CNTNAP4: variants seen among roughly 807,000 people sequenced by gnomAD.
The protein encoded by CNTNAP4 is contactin-associated protein-like 4.
Under a neutral mutation model 148.4 loss-of-function variants are expected in CNTNAP4, and 98 were observed. The observed-to-expected ratio is 0.66, with a 90% CI of 0.56 to 0.78. The LOEUF (loss-of-function observed/expected upper bound fraction) is 0.78. Among genes scored for constraint, CNTNAP4 ranks in the 30% least tolerant of loss-of-function variants. The probability of loss-of-function intolerance (pLI) is 0.00; values close to 1 mark genes in which losing one functional copy is unlikely to be tolerated. For synonymous variants in CNTNAP4, 730 were observed against 565.1 expected, an observed-to-expected ratio of 1.29 and a Z score of -4.14; for missense variants, 1,935 against 1,565.6, an observed-to-expected ratio of 1.24 and a Z score of -3.98.
At chr16:76,500,050 C>G (rs901078170) in intron 15 of CNTNAP4, among the ~76,000 whole-genome samples, 2 of 152,188 alleles carry the variant, frequency 1.3e-5, no homozygotes, top group African/African-American at 4.8e-5. Flanking sequence ...GTCATCATGG[C>G]CCGTTCTCAA....
At chr16:76,337,194 G>A (rs931974603) in intron 2 of CNTNAP4, among the ~76,000 whole-genome samples, 4 of 152,146 alleles carry the variant, frequency 2.6e-5, no homozygotes, top group Non-Finnish European at 4.4e-5. Flanking sequence ...CACACTAAGC[G>A]GTTTTTGGAT....
At chr16:76,544,392 C>A (rs2084611918) in intron 21 of CNTNAP4, among the ~76,000 whole-genome samples, 2 of 151,980 alleles carry the variant, frequency 1.3e-5, no homozygotes, top group South Asian at 4.1e-4. Context: ...GAATTGCTGA[C>A]CCTGTTAAAA....
intron 2 of CNTNAP4, among the ~76,000 whole-genome samples, chr16:76,349,281 C>T (rs898946073): frequency 1.3e-5 from 2 of 152,228 alleles, no homozygotes; most frequent in South Asian, 4.1e-4. Context: ...AATGTCCTCA[C>T]AAAATCCTGA....
Position 76,448,080 on chromosome 16 carries a change from C to G in CNTNAP4, c.607C>G (p.Pro203Ala), listed in dbSNP as rs971645524. Residue 203 changes from proline (P) to alanine (A), a missense_variant, in exon 5 of 24, where the codon CCA becomes GCA. Pro to Ala is a conservative substitution (Grantham distance 27, BLOSUM62 -1). Coordinates refer to ENST00000611870, the MANE Select transcript of CNTNAP4 (RefSeq NM_033401.5). Reference sequence around the variant, plus strand: ...CAGATTTGATCAAAAATCCCTGAGCCCAATAAAAGACATTATTTCTTTGAA... The same window carrying G: ...CAGATTTGATCAAAAATCCCTGAGCGCAATAAAAGACATTATTTCTTTGAA... The part of the protein sequence containing the change: ...LYRFDQKSLS[P>A]IKDIISLKFK... 1.2e-6 allele frequency: 2 copies of G among 1,613,550 alleles called. No homozygotes were observed. The highest frequency in any genetic ancestry group is 3.3e-5 in the Admixed American group (2 of 60,012).
chr16:76,350,799 G>T (rs949839389), intron 2 of CNTNAP4, among the ~76,000 whole-genome samples: 1 of 152,142 alleles, frequency 6.6e-6, no homozygotes, highest in Non-Finnish European at 1.5e-5. Context: ...TGAATGGGGA[G>T]AACTTTTATT....
chr16:76,337,965 G>C (rs1165181437), intron 2 of CNTNAP4, among the ~76,000 whole-genome samples: 2 of 152,100 alleles, frequency 1.3e-5, no homozygotes, highest in Non-Finnish European at 2.9e-5. Flanking sequence ...TTCTTTTTCA[G>C]GGTGCCCTGA....
intron 3 of CNTNAP4, among the ~76,000 whole-genome samples, chr16:76,359,076 C>T (rs540560199): frequency 6.6e-6 from 1 of 152,174 alleles, no homozygotes; most frequent in Admixed American, 6.5e-5. Flanking sequence ...AGAACACAGA[C>T]CACTTCAATT....
At chr16:76,398,403 G>C (rs2078286237) in intron 3 of CNTNAP4, among the ~76,000 whole-genome samples, 1 of 152,048 alleles carries the variant, frequency 6.6e-6, no homozygotes, top group Non-Finnish European at 1.5e-5. Context: ...CCAAAGGCTT[G>C]TTAAGTGTTG....
intron 17 of CNTNAP4, among the ~76,000 whole-genome samples, chr16:76,528,485 G>A (rs1011449678): frequency 2.6e-5 from 4 of 152,100 alleles, no homozygotes; most frequent in Admixed American, 1.3e-4. Context: ...GGCTGGTCTT[G>A]AACTCCTGGG....
chr16:76,326,445 G>A (rs1962980770), intron 2 of CNTNAP4, among the ~76,000 whole-genome samples: 1 of 152,162 alleles, frequency 6.6e-6, no homozygotes, highest in South Asian at 2.1e-4. Flanking sequence ...CTAAGAGATG[G>A]GAAAAGCTAG....
Position 76,448,216 on chromosome 16 carries a change from G to A in CNTNAP4, c.742+1G>A. ...AGACTCTTTTTACTTATTAATTCAGGTAAAACTATTCGGTGAAGTGCTCAA... is the reference window on the plus strand; with the variant it reads ...AGACTCTTTTTACTTATTAATTCAGATAAAACTATTCGGTGAAGTGCTCAA... On this transcript the variant is annotated splice_donor_variant, in intron 5 of 23. Coordinates refer to ENST00000611870, the MANE Select transcript of CNTNAP4 (RefSeq NM_033401.5). LOFTEE classifies it high-confidence loss of function. The A allele has an allele frequency of 1.2e-6, 2 of 1,601,048 alleles. No individual in the cohort carries two copies. The highest frequency in any genetic ancestry group is 1.7e-6 in the Non-Finnish European group (2 of 1,170,430).
intron 3 of CNTNAP4, among the ~76,000 whole-genome samples, chr16:76,415,933 T>C (rs1036740732): frequency 1.3e-4 from 2 of 15,926 alleles, no homozygotes; most frequent in African/African-American, 1.7e-4. Flanking sequence ...ACTGTTTGTT[T>C]TTTTTTTTTA....
At chr16:76,528,348 C>G (rs545839022) in intron 17 of CNTNAP4, among the ~76,000 whole-genome samples, 3 of 152,274 alleles carry the variant, frequency 2.0e-5, no homozygotes, top group Admixed American at 1.3e-4. Context: ...TCACTGCAAC[C>G]TACGCCTCCC....
Position 76,542,064 on chromosome 16 carries a change from T to C in CNTNAP4, c.3442+1274T>C, listed in dbSNP as rs1049716321. On this transcript the variant is annotated intron_variant, in intron 21 of 23. Transcript: ENST00000611870. Reference sequence around the variant, plus strand: ...TTCCGTTGATTCAAGTCTTGTCCTCTGATGTATAATTAACAGATAAGACCG... The same window carrying C: ...TTCCGTTGATTCAAGTCTTGTCCTCCGATGTATAATTAACAGATAAGACCG... Among the ~76,000 whole-genome samples the C allele has an allele frequency of 8.3e-4, 126 of 152,328 alleles. 1 individual carries two copies. The highest frequency in any genetic ancestry group is 2.7e-3 in the African/African-American group (112 of 41,576).
chr16:76,317,614 C>A (rs963279889), intron 2 of CNTNAP4, among the ~76,000 whole-genome samples: 5 of 152,188 alleles, frequency 3.3e-5, no homozygotes, highest in African/African-American at 1.2e-4. Flanking sequence ...GTGGCAACAT[C>A]AGTCAGTCAC....
At chr16:76,366,533 A>G (rs2014156515) in intron 3 of CNTNAP4, among the ~76,000 whole-genome samples, 1 of 152,154 alleles carries the variant, frequency 6.6e-6, no homozygotes, top group Admixed American at 6.5e-5. Context: ...CCAGTCTTTC[A>G]TTGATGGGCA....
chr16:76,471,092 G>T (rs554987343), intron 10 of CNTNAP4, among the ~76,000 whole-genome samples: 1 of 151,734 alleles, frequency 6.6e-6, no homozygotes, highest in Non-Finnish European at 1.5e-5. Flanking sequence ...CACTCCCTAC[G>T]CAAACACACA....
chr16:76,549,367 C>G (rs536155861), intron 21 of CNTNAP4, among the ~76,000 whole-genome samples: 3 of 152,208 alleles, frequency 2.0e-5, no homozygotes, highest in East Asian at 3.9e-4. Flanking sequence ...GGGCTGTGGC[C>G]TGCAGCTCTG....
At chr16:76,357,033 A>G (rs2012749466) in intron 3 of CNTNAP4, among the ~76,000 whole-genome samples, 1 of 150,258 alleles carries the variant, frequency 6.7e-6, no homozygotes, top group Admixed American at 6.8e-5. Flanking sequence ...AAGAGGAAAA[A>G]AAAACAAACA....
Sources: gnomAD v4.1 joint callset for allele counts (sites outside exome capture counted in the v4.1 genomes callset) on GRCh38, gnomAD v4.1.1 for gene constraint, MANE v1.5 for transcripts, NCBI Gene and HGNC (gene_info 2026-07-23, HGNC 2026-07-21) for gene names.